Variants in PTPN12 observed in about 807,000 individuals in gnomAD.
PTPN12 encodes tyrosine-protein phosphatase non-receptor type 12.
A neutral mutation model predicts 97.6 loss-of-function variants in PTPN12; 29 were observed. The observed-to-expected ratio is 0.30, with a 90% CI of 0.22 to 0.41. The LOEUF is 0.41. Ranked by LOEUF, PTPN12 falls within the 10% of genes least tolerant of loss-of-function variation. The probability of loss-of-function intolerance (pLI) is 1.00; values close to 1 mark genes in which losing one functional copy is unlikely to be tolerated. For synonymous variants in PTPN12, 327 were observed against 300.4 expected, an observed-to-expected ratio of 1.09 and a Z score of -0.91; for missense variants, 819 against 926.0, an observed-to-expected ratio of 0.88 and a Z score of 1.50.
At chr7:77,549,883 A>G (rs1284432781) in intron 1 of PTPN12, among the ~76,000 whole-genome samples, 1 of 152,166 alleles carries the variant, frequency 6.6e-6, no homozygotes, top group Non-Finnish European at 1.5e-5. Context: ...CCTGGCCCTA[A>G]GGATCACTTT....
At chr7:77,561,583 A>G (rs1312808644) in intron 1 of PTPN12, among the ~76,000 whole-genome samples, 1 of 152,108 alleles carries the variant, frequency 6.6e-6, no homozygotes, top group Non-Finnish European at 1.5e-5. Context: ...TAAACTACAC[A>G]AGTGACTCTT....
At position 77,639,648 on chromosome 7, in the gene PTPN12, G is replaced by A. The variant is rs1232614916; in HGVS notation, c.*368G>A. On this transcript the variant is annotated 3_prime_UTR_variant, in exon 18 of 18. Coordinates refer to ENST00000248594, the MANE Select transcript of PTPN12 (RefSeq NM_002835.4). ...GCAAGTAGGTATATAATTTGATAAA[G>A]TTGCAATTGAAATATTATTAACAGA... 2 of 170,270 alleles carry A rather than the reference G, an allele frequency of 1.2e-5. No individual in the cohort carries two copies. The highest frequency in any genetic ancestry group is 2.5e-5 in the Non-Finnish European group (2 of 80,212). 10.5% of individuals were successfully genotyped at this position (170,270 alleles called of 1,614,324 possible).
rs752955239 is a variant in PTPN12, at chr7:77,618,752, A to C, written c.1025+187A>C. Among the ~76,000 whole-genome samples, 127 of 152,204 alleles carry C rather than the reference A, an allele frequency of 8.3e-4. 1 individual carries two copies. The highest frequency in any genetic ancestry group is 9.2e-4 in the Admixed American group (14 of 15,276). ...TTAAAAATTTGGTTTCATTTTGGATAAAATTTCAATAATATACTGTAGCAG... is the reference window on the plus strand; with the variant it reads ...TTAAAAATTTGGTTTCATTTTGGATCAAATTTCAATAATATACTGTAGCAG... On this transcript the variant is annotated intron_variant, in intron 12 of 17. Coordinates refer to ENST00000248594, the MANE Select transcript of PTPN12 (RefSeq NM_002835.4).
At chr7:77,636,349 A>G (rs945506765) in intron 15 of PTPN12, among the ~76,000 whole-genome samples, 1 of 151,986 alleles carries the variant, frequency 6.6e-6, no homozygotes, top group Non-Finnish European at 1.5e-5. Flanking sequence ...TTGGGAGGCC[A>G]AGCAGAAGGA....
chr7:77,623,582 G>T (rs570407655), intron 12 of PTPN12, among the ~76,000 whole-genome samples: 1 of 152,202 alleles, frequency 6.6e-6, no homozygotes, highest in Non-Finnish European at 1.5e-5. Context: ...GTCATGGCGC[G>T]TGCCTATAAT....
Position 77,573,093 on chromosome 7 carries a change from AAAACAAAAAAAC to A in PTPN12, c.208+1911_208+1922del, listed in dbSNP as rs1348466208. Among the ~76,000 whole-genome samples, 5 of 46,692 alleles carry A rather than the reference AAAACAAAAAAAC, an allele frequency of 1.1e-4. 2 individuals carry two copies. In the East Asian group the frequency reaches 3.1e-3, roughly 29 times the overall value. The allele number at this position is 46,692 out of a possible 152,430, so 30.6% of individuals were successfully genotyped here. A position where few individuals can be genotyped will look rare whatever the true frequency, so the allele number is the denominator to read the frequency against. On this transcript the variant is annotated intron_variant, in intron 2 of 17. Coordinates refer to ENST00000248594, the MANE Select transcript of PTPN12 (RefSeq NM_002835.4). ...GTAAGACTCTATCTCAAAAAAAAAAAAAACAAAAAAACAAAAAAAACCAGTGTACCTAGCACA... is the reference window on the plus strand; with the variant it reads ...GTAAGACTCTATCTCAAAAAAAAAAAAAAAAAAACCAGTGTACCTAGCACA...
chr7:77,557,090 C>T (rs1217524303), intron 1 of PTPN12, among the ~76,000 whole-genome samples: 1 of 152,058 alleles, frequency 6.6e-6, no homozygotes, highest in African/African-American at 2.4e-5. Context: ...CCTCAGCCTC[C>T]CTAGTAGCTG....
At chr7:77,631,828 TATTTC>T (rs1789409631) in intron 13 of PTPN12, among the ~76,000 whole-genome samples, 1 of 152,256 alleles carries the variant, frequency 6.6e-6, no homozygotes, top group African/African-American at 2.4e-5. Context: ...TTTCCAATGT[TATTTC>T]AGTTATTGCT....
intron 5 of PTPN12, among the ~76,000 whole-genome samples, chr7:77,589,617 C>T (rs539296612): frequency 3.3e-5 from 5 of 152,064 alleles, no homozygotes; most frequent in African/African-American, 9.6e-5. Context: ...ATTGGGAAGC[C>T]TTAATTTATT....
intron 2 of PTPN12, among the ~76,000 whole-genome samples, chr7:77,580,705 C>T (rs1043347291): frequency 4.6e-5 from 7 of 151,892 alleles, no homozygotes; most frequent in African/African-American, 1.7e-4. Context: ...TACTCTATTA[C>T]CTAATAATAA....
chr7:77,541,328 G>A (rs576055644), intron 1 of PTPN12, among the ~76,000 whole-genome samples: 1 of 152,310 alleles, frequency 6.6e-6, no homozygotes, highest in Non-Finnish European at 1.5e-5. Context: ...CTGGGCTCAA[G>A]CAATCCACCT....
chr7:77,574,589 G>A (rs1320636264), intron 2 of PTPN12, among the ~76,000 whole-genome samples: 1 of 152,082 alleles, frequency 6.6e-6, no homozygotes, highest in Non-Finnish European at 1.5e-5. Context: ...GCTGCTAATG[G>A]CATCTAACAA....
chr7:77,594,567 A>C (rs375337568), intron 6 of PTPN12, among the ~76,000 whole-genome samples: 1 of 152,102 alleles, frequency 6.6e-6, no homozygotes, highest in Non-Finnish European at 1.5e-5. Flanking sequence ...GTTGGAGTGC[A>C]GTGGTCTGAT....
chr7:77,570,769 CTG>C (rs895088873), intron 1 of PTPN12, among the ~76,000 whole-genome samples: 5 of 152,324 alleles, frequency 3.3e-5, no homozygotes, highest in African/African-American at 9.6e-5. Flanking sequence ...AGTTAAAACA[CTG>C]AAATTACTCG....
At position 77,627,393 on chromosome 7, in the gene PTPN12, C is replaced by T; in HGVS notation, c.1714C>T (p.Pro572Ser). The T allele has an allele frequency of 6.2e-7, 1 of 1,614,090 alleles. No individual in the cohort carries two copies. The highest frequency in any genetic ancestry group is 8.5e-7 in the Non-Finnish European group (1 of 1,179,980). Residue 572 changes from proline (P) to serine (S), a missense_variant, in exon 13 of 18, where the codon CCT (proline) becomes TCT (serine). Coordinates refer to ENST00000248594, the MANE Select transcript of PTPN12 (RefSeq NM_002835.4). ...TRKTVSLTPS[P>S]TTQVETPDLV... ...GAAAACTGTGAGTTTAACACCAAGT[C>T]CTACAACACAAGTTGAAACACCTGA...
At chr7:77,576,269 G>A (rs1428163595) in intron 2 of PTPN12, among the ~76,000 whole-genome samples, 1 of 152,118 alleles carries the variant, frequency 6.6e-6, no homozygotes, top group Non-Finnish European at 1.5e-5. Context: ...GAATAATGCT[G>A]CTATGAACAT....
intron 1 of PTPN12, among the ~76,000 whole-genome samples, chr7:77,554,716 G>A (rs1807625830): frequency 6.6e-6 from 1 of 152,160 alleles, no homozygotes; most frequent in African/African-American, 2.4e-5. Context: ...TGCTCTGTCT[G>A]TCATCCAGGC....
chr7:77,554,455 A>G (rs1807611782), intron 1 of PTPN12, among the ~76,000 whole-genome samples: 1 of 152,232 alleles, frequency 6.6e-6, no homozygotes, highest in Non-Finnish European at 1.5e-5. Flanking sequence ...ACATACACAC[A>G]CAAGCATATA....
chr7:77,626,279 G>A (rs975021387), intron 12 of PTPN12, among the ~76,000 whole-genome samples: 25 of 152,174 alleles, frequency 1.6e-4, no homozygotes, highest in Non-Finnish European at 4.4e-5. Context: ...GCAGTCATAC[G>A]ACTGAGGTAA....
Sources: allele counts gnomAD v4.1 joint callset (sites outside exome capture counted in the v4.1 genomes callset), GRCh38; gene constraint gnomAD v4.1.1; transcripts MANE v1.5; gene names NCBI Gene and HGNC (gene_info 2026-07-23, HGNC 2026-07-21).